Variants in GLS observed in about 807,000 individuals in gnomAD.
GLS encodes glutaminase.
In GLS, 36 loss-of-function variants were observed where a neutral mutation model predicts 86.7. The observed-to-expected ratio is 0.42, with a 90% confidence interval of 0.32 to 0.55. The LOEUF (loss-of-function observed/expected upper bound fraction) is 0.55, where lower values mean the gene tolerates loss of function less well. Among genes scored for constraint, GLS ranks in the 20% least tolerant of loss-of-function variants. GLS has a pLI of 0.17. For synonymous variants in GLS, 317 were observed against 305.9 expected (o/e 1.04, Z -0.38); for missense variants, 528 against 833.4 (o/e 0.63, Z 4.51).
rs1446615182 is a variant in GLS at position 190,947,528 on chromosome 2, G to A, written c.1651-6037G>A. On this transcript the variant is annotated intron_variant, in intron 14 of 17. Coordinates refer to ENST00000320717, the MANE Select transcript of GLS (RefSeq NM_014905.5). This position sits in a 1 kb window ranked among gnomAD's most constrained non-coding sequence, Gnocchi z 5.0. ...TTTAATGGCTCTCTGCCCAGGTGCA[G>A]TGTCTCTTTGCCATGGGGAGGTATA... 6.6e-6 allele frequency among the ~76,000 whole-genome samples: 1 copy of A among 152,204 alleles called. No individual in the cohort carries two copies.
At chr2:190,919,424 G>GT (rs963308461) in intron 7 of GLS, among the ~76,000 whole-genome samples, 7 of 152,094 alleles carry the variant, frequency 4.6e-5, no homozygotes, top group Non-Finnish European at 8.8e-5. Flanking sequence ...AAGAAAACTT[G>GT]TAAGAGTTTT....
intron 3 of GLS, chr2:190,896,095 A>C (rs1273583369): frequency 1.3e-5 from 2 of 156,442 alleles, no homozygotes; most frequent in Non-Finnish European, 2.8e-5. Flanking sequence ...CCACAAGGTG[A>C]TTTAGGTGAC....
In GLS at chr2:190,955,937, C is replaced by G. The variant is rs1488933136; in HGVS notation, c.1853+1119C>G. Among the ~76,000 whole-genome samples the G allele has an allele frequency of 1.3e-5, 2 of 152,174 alleles. No homozygotes were observed. The highest frequency in any genetic ancestry group is 3.8e-4 in the East Asian group (2 of 5,198). The stretch of plus-strand genomic sequence containing the variant: ...ATAAATGTCTTCTTTTGAGAAGTGT[C>G]TGTTCACATCCTTCACCCACTTTTT... On this transcript the variant is annotated intron_variant, in intron 17 of 17. Coordinates refer to ENST00000320717, the MANE Select transcript of GLS (RefSeq NM_014905.5). This position sits in a 1 kb window ranked among gnomAD's most constrained non-coding sequence, Gnocchi z 5.6.
chr2:190,904,531 T>G (rs1335467308), intron 5 of GLS, among the ~76,000 whole-genome samples: 2 of 152,160 alleles, frequency 1.3e-5, no homozygotes, highest in Non-Finnish European at 2.9e-5. Flanking sequence ...CCATGGGGTC[T>G]GCACCCATGG....
chr2:190,951,212 G>C lies in GLS; in HGVS notation c.1651-2353G>C, dbSNP rs1166774778. ...GGAGGAAGATTAGGGTGATGGAGCA[G>C]CATGGAAGGCAAGTCGTGAGAGGGT... On this transcript the variant is annotated intron_variant, in intron 14 of 17. Coordinates refer to ENST00000320717, the MANE Select transcript of GLS (RefSeq NM_014905.5). This position sits in a 1 kb window ranked among gnomAD's most constrained non-coding sequence, Gnocchi z 4.2. Among the ~76,000 whole-genome samples, 3 of 152,166 alleles carry C rather than the reference G, an allele frequency of 2.0e-5. No homozygotes were observed. The highest frequency in any genetic ancestry group is 2.9e-5 in the Non-Finnish European group (2 of 68,048).
chr2:190,939,195 A>T (rs1284870982), intron 14 of GLS, among the ~76,000 whole-genome samples: 2 of 151,436 alleles, frequency 1.3e-5, no homozygotes, highest in Non-Finnish European at 3.0e-5. Context: ...TTGTCTGTTT[A>T]TTTACTCTGT....
At chr2:190,946,754 G>A (rs1248452552) in intron 14 of GLS, among the ~76,000 whole-genome samples, 2 of 151,952 alleles carry the variant, frequency 1.3e-5, no homozygotes, top group Non-Finnish European at 2.9e-5. Context: ...CCAATATTGA[G>A]TAAAGAACTT....
chr2:190,959,243 CTTTTT>C (rs56693446), intron 17 of GLS, among the ~76,000 whole-genome samples: 5 of 135,660 alleles, frequency 3.7e-5, no homozygotes, highest in African/African-American at 1.3e-4. Context: ...GCAACCCCTG[CTTTTT>C]TTTTTTTTTT....
Position 190,910,491 on chromosome 2 carries a change from G to A in GLS, c.1038+170G>A, listed in dbSNP as rs182507920. ...GGATCTTTATTTCAAAATAAATGATGTAGTCATTTCAAGGCAAAATTAAAA... is the reference window on the plus strand; with the variant it reads ...GGATCTTTATTTCAAAATAAATGATATAGTCATTTCAAGGCAAAATTAAAA... On this transcript the variant is annotated intron_variant, in intron 7 of 17. Transcript: ENST00000320717. 1.3e-4 allele frequency among the ~76,000 whole-genome samples: 19 copies of A among 151,874 alleles called. No individual in the cohort carries two copies. The East Asian group carries it at 2.1e-3, about 17-fold the overall frequency.
chr2:190,930,832 G>T lies in GLS; in HGVS notation c.1557+264G>T, dbSNP rs1690085885. On this transcript the variant is annotated intron_variant, in intron 13 of 17. Transcript: ENST00000320717. This position sits in a 1 kb window ranked among gnomAD's most constrained non-coding sequence, Gnocchi z 5.0. The stretch of plus-strand genomic sequence containing the variant: ...TTATAATTAGTATGAATTTTCAAAA[G>T]CTCAACAAAAGGTATTAAACTTGGA... Among the ~76,000 whole-genome samples, 2 of 152,118 alleles carry T rather than the reference G, an allele frequency of 1.3e-5. No individual in the cohort carries two copies. Among genetic ancestry groups the T allele is most frequent in the Non-Finnish European group, 2.9e-5 (2 of 68,012 alleles).
chr2:190,881,583 G>T (rs1037948724), intron 1 of GLS, 113 bp downstream of exon 1: 1 of 1,036,710 alleles, frequency 9.6e-7, no homozygotes, highest in Non-Finnish European at 1.3e-6. Flanking sequence ...AAAAGAGAAA[G>T]AAAGAGGTGC....
rs1488775901 is a variant in GLS, at chr2:190,938,484, C to G, written c.1650+6847C>G. ...CCAACCTTTCTAGAATTTTGATGTA[C>G]TTTTATTTACCATAATCTTATATAT... is the stretch of plus-strand genomic sequence containing the variant. On this transcript the variant is annotated intron_variant, in intron 14 of 17. Coordinates refer to ENST00000320717, the MANE Select transcript of GLS (RefSeq NM_014905.5). The surrounding 1 kb of genome is among the most constrained non-coding windows in gnomAD (Gnocchi z 4.1). 2.6e-5 allele frequency among the ~76,000 whole-genome samples: 4 copies of G among 151,500 alleles called. No homozygotes were observed. Among genetic ancestry groups the G allele is most frequent in the Non-Finnish European group, 5.9e-5 (4 of 67,556 alleles).
rs1172911284 is a variant in GLS at position 190,938,571 on chromosome 2, A to G, written c.1650+6934A>G. 6.6e-6 allele frequency among the ~76,000 whole-genome samples: 1 copy of G among 151,484 alleles called. No homozygotes were observed. Among genetic ancestry groups the G allele is most frequent in the East Asian group, 1.9e-4 (1 of 5,196 alleles). Reference sequence around the variant, plus strand: ...TAAATGTTACCTGGTACAGACTCCCACCCCACTCAGCCCCCTTTTCCAGGT... The same window carrying G: ...TAAATGTTACCTGGTACAGACTCCCGCCCCACTCAGCCCCCTTTTCCAGGT... On this transcript the variant is annotated intron_variant, in intron 14 of 17. Transcript: ENST00000320717. The surrounding 1 kb of genome is among the most constrained non-coding windows in gnomAD (Gnocchi z 4.1).
At chr2:190,911,824 A>G (rs759116718) in intron 7 of GLS, among the ~76,000 whole-genome samples, 57 of 152,144 alleles carry the variant, frequency 3.7e-4, no homozygotes, top group Middle Eastern at 3.4e-3. Context: ...GGTGTTCACT[A>G]CTCTTCGAGG....
chr2:190,881,026 C>A lies in GLS; in HGVS notation c.-59C>A. On this transcript the variant is annotated 5_prime_UTR_variant, in exon 1 of 18. Coordinates refer to ENST00000320717, the MANE Select transcript of GLS (RefSeq NM_014905.5). ...CACAGACCGCGTTCCCCGAGGAAAC[C>A]GGCCGCCCACGCCCGGAGCATCCTC... The A allele has an allele frequency of 6.6e-7, 1 of 1,511,412 alleles. No homozygotes were observed. The highest frequency in any genetic ancestry group is 8.8e-7 in the Non-Finnish European group (1 of 1,131,590). 93.6% of individuals were successfully genotyped at this position (1,511,412 alleles called of 1,614,324 possible).
intron 14 of GLS, among the ~76,000 whole-genome samples, chr2:190,941,773 T>C (rs937222737): frequency 6.6e-6 from 1 of 152,138 alleles, no homozygotes; most frequent in Non-Finnish European, 1.5e-5. Flanking sequence ...GTGAGGTGGA[T>C]GGAGATTGGC....
chr2:190,930,785 G>A lies in GLS; in HGVS notation c.1557+217G>A, dbSNP rs1356146711. On this transcript the variant is annotated intron_variant, in intron 13 of 17. Coordinates refer to ENST00000320717, the MANE Select transcript of GLS (RefSeq NM_014905.5). This position sits in a 1 kb window ranked among gnomAD's most constrained non-coding sequence, Gnocchi z 5.0. The stretch of plus-strand genomic sequence containing the variant: ...TTCCCACAGATTATATTTGTTAGAT[G>A]CTAATATTTTAATTTTCATGGTTAT... Among the ~76,000 whole-genome samples the A allele has an allele frequency of 6.6e-6, 1 of 152,098 alleles. No individual in the cohort carries two copies. The highest frequency in any genetic ancestry group is 1.5e-5 in the Non-Finnish European group (1 of 68,018).
chr2:190,910,409 A>G, intron 7 of GLS, 88 bp downstream of exon 7: 1 of 656,790 alleles, frequency 1.5e-6, no homozygotes, highest in South Asian at 2.0e-5. Context: ...TTATTTATGT[A>G]GAATTATGAA....
intron 14 of GLS, among the ~76,000 whole-genome samples, chr2:190,939,005 A>C (rs772698694): frequency 6.6e-6 from 1 of 151,846 alleles, no homozygotes; most frequent in Admixed American, 6.6e-5. Flanking sequence ...GGTTAGATTA[A>C]ATATATAAGT....
Sources: gnomAD v4.1 joint callset for allele counts (sites outside exome capture counted in the v4.1 genomes callset) on GRCh38, gnomAD v4.1.1 for gene constraint, Gnocchi (gnomAD v3.1) non-coding constraint, MANE v1.5 for transcripts, NCBI Gene and HGNC (gene_info 2026-07-23, HGNC 2026-07-21) for gene names.